Variants in DYTN observed in about 807,000 individuals in gnomAD.
DYTN encodes the protein dystrotelin.
In DYTN, 75 loss-of-function variants were observed where a neutral mutation model predicts 69.6. The ratio of observed to expected loss-of-function variants is 1.08; its 90% CI spans 0.89 to 1.31. The LOEUF is 1.31. Ranked by LOEUF, DYTN falls within the 50% of genes most tolerant of loss-of-function variation. DYTN has a pLI of 0.00. For synonymous variants in DYTN, 252 were observed against 249.1 expected, an observed-to-expected ratio of 1.01 and a Z score of -0.11; for missense variants, 726 against 688.4, an observed-to-expected ratio of 1.05 and a Z score of -0.61.
chr2:206,706,928 G>C (rs533641864), intron 3 of DYTN, among the ~76,000 whole-genome samples: 3 of 150,874 alleles, frequency 2.0e-5, no homozygotes, highest in Non-Finnish European at 2.9e-5. Context: ...AATTGATAAT[G>C]GTTTACAAAG....
Position 206,663,160 on chromosome 2 carries a change from G to A in DYTN, c.1376C>T (p.Thr459Ile). The A allele has an allele frequency of 6.2e-7, 1 of 1,613,964 alleles. No homozygotes were observed. Among genetic ancestry groups the A allele is most frequent in the Non-Finnish European group, 8.5e-7 (1 of 1,179,894 alleles). The change falls in exon 11 of 12, where the codon ACT becomes ATT. Residue 459 changes from threonine (T) to isoleucine (I), a missense_variant. Thr to Ile is a moderately conservative substitution (Grantham distance 89, BLOSUM62 -1). Transcript: ENST00000452335. ...ALRNPESPET[T>I]LHSTRAQSQT... ...GCTTTGTGCCCTGGTGCTGTGCAAA[G>A]TGGTCTCTGGTGATTCTGGATTTCG...
intron 7 of DYTN, among the ~76,000 whole-genome samples, chr2:206,697,521 G>A (rs1415460493): frequency 1.3e-5 from 2 of 152,094 alleles, no homozygotes; most frequent in African/African-American, 4.8e-5. Context: ...TGAGTTTTTT[G>A]AGATCCCAAA....
Position 206,659,484 on chromosome 2 carries a change from CAAAAAAAA to C in DYTN, c.1633+3411_1633+3418del, listed in dbSNP as rs772861150. 2.4e-3 allele frequency among the ~76,000 whole-genome samples: 153 copies of C among 64,572 alleles called. 1 individual carries two copies. The highest frequency in any genetic ancestry group is 7.5e-3 in the African/African-American group (133 of 17,626). The allele number at this position is 64,572 out of a possible 152,430, so 42.4% of individuals were successfully genotyped here. ...CCACCACGCCGGGCCCAACAATTCT[CAAAAAAAA>C]AAAAAAAAAAAAAAAAAAACTGGAT... On this transcript the variant is annotated intron_variant, in intron 11 of 11. Transcript: ENST00000452335.
rs187725478 is a variant in DYTN, at chr2:206,657,980, C to T, written c.1633+4923G>A. On this transcript the variant is annotated intron_variant, in intron 11 of 11. Coordinates refer to ENST00000452335, the MANE Select transcript of DYTN (RefSeq NM_001093730.1). The stretch of plus-strand genomic sequence containing the variant: ...CTTTCTTTCTCCTCTGCTTCTACAA[C>T]TCCCATATTACAAATATTGGTCAGC... Among the ~76,000 whole-genome samples the T allele has an allele frequency of 2.3e-3, 352 of 152,288 alleles. 8 individuals are homozygous for T. The highest frequency in any genetic ancestry group is 0.022 in the Admixed American group (338 of 15,290).
chr2:206,692,368 T>A (rs192108640), intron 9 of DYTN, among the ~76,000 whole-genome samples: 4 of 152,076 alleles, frequency 2.6e-5, no homozygotes, highest in Admixed American at 2.6e-4. Context: ...CTTTTAAAGG[T>A]CATCTTTAGG....
chr2:206,664,914 C>A (rs374541680), intron 10 of DYTN, among the ~76,000 whole-genome samples: 1 of 152,084 alleles, frequency 6.6e-6, no homozygotes, highest in Non-Finnish European at 1.5e-5. Flanking sequence ...CACAATCATG[C>A]GTGGCTAAGA....
At chr2:206,658,562 G>C (rs537642635) in intron 11 of DYTN, among the ~76,000 whole-genome samples, 39 of 152,092 alleles carry the variant, frequency 2.6e-4, no homozygotes, top group Non-Finnish European at 4.3e-4. Flanking sequence ...CATCTCTCAG[G>C]CATCTAGAAT....
In DYTN at chr2:206,699,707, A is replaced by C. The variant is rs775507991; in HGVS notation, c.719+20T>G. On this transcript the variant is annotated intron_variant, in intron 7 of 11. Transcript: ENST00000452335. ...CCATATGGAGAATGATAATCCAAGA[A>C]ATGCTGCTGATGACTGTACCTGAGT... 6.2e-7 allele frequency: 1 copy of C among 1,602,962 alleles called. No homozygotes were observed. Among genetic ancestry groups the C allele is most frequent in the South Asian group, 1.1e-5 (1 of 89,102 alleles).
chr2:206,665,740 T>TCAGG (rs1287439745), intron 10 of DYTN, 130 bp downstream of exon 10: 2 of 1,079,390 alleles, frequency 1.9e-6, no homozygotes, highest in African/African-American at 3.2e-5. Flanking sequence ...AAATGGGAGG[T>TCAGG]CAGGGTACGG....
chr2:206,708,168 A>T (rs1179160888), intron 2 of DYTN, among the ~76,000 whole-genome samples: 5 of 152,194 alleles, frequency 3.3e-5, no homozygotes, highest in Admixed American at 2.0e-4. Flanking sequence ...ATAATGGTTT[A>T]TTTCTTATAC....
intron 2 of DYTN, among the ~76,000 whole-genome samples, chr2:206,709,397 T>C (rs1262698782): frequency 6.6e-6 from 1 of 151,982 alleles, no homozygotes; most frequent in Non-Finnish European, 1.5e-5. Context: ...TGCAGTGAGC[T>C]GAGATCCCTC....
intron 7 of DYTN, among the ~76,000 whole-genome samples, chr2:206,699,106 T>C (rs142722372): frequency 1.3e-5 from 2 of 152,344 alleles, no homozygotes; most frequent in Admixed American, 6.5e-5. Flanking sequence ...ATGATGATGA[T>C]GATGCATGGC....
chr2:206,689,116 T>C (rs1269909959), intron 9 of DYTN, among the ~76,000 whole-genome samples: 8 of 152,214 alleles, frequency 5.3e-5, no homozygotes, highest in Non-Finnish European at 7.3e-5. Context: ...CTTCCTGAAA[T>C]ATTTAATAAG....
intron 9 of DYTN, among the ~76,000 whole-genome samples, chr2:206,670,978 A>G (rs897759357): frequency 4.6e-5 from 7 of 152,114 alleles, no homozygotes; most frequent in Non-Finnish European, 8.8e-5. Context: ...CGTGTGCACT[A>G]AAGTCATCAT....
In DYTN at chr2:206,657,422, T is replaced by C. The variant is rs1019866930; in HGVS notation, c.1633+5481A>G. On this transcript the variant is annotated intron_variant, in intron 11 of 11. Coordinates refer to ENST00000452335, the MANE Select transcript of DYTN (RefSeq NM_001093730.1). ...CCTCTCAAAGTGCTGGGATTACAGA[T>C]GTGAGCCACCACATCCAGCCCACAT... Among the ~76,000 whole-genome samples, 3 of 152,220 alleles carry C rather than the reference T, an allele frequency of 2.0e-5. No homozygotes were observed. In the East Asian group the frequency reaches 5.8e-4, roughly 29 times the overall value.
intron 9 of DYTN, among the ~76,000 whole-genome samples, chr2:206,670,036 C>G (rs1040164110): frequency 2.0e-4 from 31 of 152,172 alleles, no homozygotes; most frequent in African/African-American, 7.0e-4. Flanking sequence ...ACAGCAGGAG[C>G]TAAGAGCTCA....
At position 206,697,266 on chromosome 2, in the gene DYTN, T is replaced by C. The variant is rs1699929565; in HGVS notation, c.720-2389A>G. ...ATGAGATTGGCCTGTTGTTGATGTT[T>C]TTTACCAGTATAGAACCCAGGTTTT... On this transcript the variant is annotated intron_variant, in intron 7 of 11. Transcript: ENST00000452335. 2.0e-5 allele frequency among the ~76,000 whole-genome samples: 3 copies of C among 152,182 alleles called. No homozygotes were observed. In the South Asian group the frequency reaches 6.2e-4, roughly 32 times the overall value.
intron 9 of DYTN, chr2:206,670,383 T>C (rs1553572556): frequency 6.6e-6 from 1 of 150,678 alleles, no homozygotes; most frequent in Non-Finnish European, 1.5e-5. Flanking sequence ...TCTCCCAAAT[T>C]AAAAAAAAAT....
intron 2 of DYTN, among the ~76,000 whole-genome samples, 181 bp downstream of exon 2, chr2:206,710,343 G>GCCTGCACGTGATGTTTTC (rs1376197254): frequency 6.6e-6 from 1 of 152,176 alleles, no homozygotes; most frequent in Non-Finnish European, 1.5e-5. Flanking sequence ...CACATGGTTT[G>GCCTGCACGTGATGTTTTC]CCTGCACGTG....
Sources: gnomAD v4.1 joint callset for allele counts (sites outside exome capture counted in the v4.1 genomes callset) on GRCh38, gnomAD v4.1.1 for gene constraint, MANE v1.5 for transcripts, NCBI Gene and HGNC (gene_info 2026-07-23, HGNC 2026-07-21) for gene names.